Variants in SPECC1 observed in about 807,000 individuals in gnomAD.
The protein encoded by SPECC1 is cytospin-B.
Under a neutral mutation model 104.1 loss-of-function variants are expected in SPECC1, and 62 were observed. The observed-to-expected ratio is 0.60, with a 90% confidence interval of 0.49 to 0.74. The LOEUF is 0.74. Ranked by LOEUF, SPECC1 falls within the 30% of genes least tolerant of loss-of-function variation. The pLI is 0.00. For synonymous variants in SPECC1, 513 were observed against 501.6 expected (o/e 1.02, Z -0.30); for missense variants, 1,306 against 1,310.5 (o/e 1.00, Z 0.05).
Position 20,204,313 on chromosome 17 carries a change from TTTC to T in SPECC1, c.284-12_284-10del, listed in dbSNP as rs1457311135. On this transcript the variant is annotated splice_polypyrimidine_tract_variant and intron_variant, in intron 3 of 14. Coordinates refer to ENST00000395527, the MANE Select transcript of SPECC1 (RefSeq NM_001243439.2). ...AATGCTTGCTTTATTTTTTCATTTT[TTTC>T]TTCTTCTGTCTTTAAGGGGCCTTTA... The T allele has an allele frequency of 6.3e-6, 10 of 1,579,686 alleles. No individual in the cohort carries two copies. Among genetic ancestry groups the T allele is most frequent in the South Asian group, 1.2e-5 (1 of 85,038 alleles).
intron 5 of SPECC1, among the ~76,000 whole-genome samples, chr17:20,230,695 T>C (rs1397131407): frequency 6.6e-6 from 1 of 152,232 alleles, no homozygotes; most frequent in African/African-American, 2.4e-5. Flanking sequence ...AAGCCATCTT[T>C]TGAAAAACTT....
rs776257884 is a variant in SPECC1, at chr17:20,110,556, G to A, written c.277G>A (p.Gly93Ser). 14 of 1,612,620 alleles carry A rather than the reference G, an allele frequency of 8.7e-6. No individual in the cohort carries two copies. Among genetic ancestry groups the A allele is most frequent in the South Asian group, 3.3e-5 (3 of 90,972 alleles). The change falls in exon 3 of 15, where the codon GGC becomes AGC. Residue 93 changes from glycine to serine, a missense_variant. This residue lies in a region of SPECC1 where 1,177 missense variants were observed against 1,139.9 expected (regional missense o/e 1.03). Coordinates refer to ENST00000395527, the MANE Select transcript of SPECC1 (RefSeq NM_001243439.2). Reference protein sequence around the residue: ...SELTESRLRSGTGAFTTTKRT... With the variant: ...SELTESRLRSSTGAFTTTKRT... Reference sequence around the variant, plus strand: ...GCTCACGGAGAGCCGCCTGAGGAGCGGCACAGGTAGGAGGGACCGGGCAGG... The same window carrying A: ...GCTCACGGAGAGCCGCCTGAGGAGCAGCACAGGTAGGAGGGACCGGGCAGG...
Position 20,245,996 on chromosome 17 carries a change from A to G in SPECC1, c.2422A>G (p.Arg808Gly). ...TCGGTGGCCTGGTGTCTGTGTTAGC[A>G]GAACATCTCCAACACCCCCAGAGTC... is the stretch of plus-strand genomic sequence containing the variant. ...AGRWPGVCVS[R>G]TSPTPPESAT... Residue 808 changes from arginine (R) to glycine (G), a missense_variant, in exon 8 of 15, where the codon AGA becomes GGA. Arg to Gly is a moderately radical substitution (Grantham distance 125). Coordinates refer to ENST00000395527, the MANE Select transcript of SPECC1 (RefSeq NM_001243439.2). 6.2e-7 allele frequency: 1 copy of G among 1,614,192 alleles called. No homozygotes were observed. The highest frequency in any genetic ancestry group is 8.5e-7 in the Non-Finnish European group (1 of 1,180,034).
intron 3 of SPECC1, among the ~76,000 whole-genome samples, chr17:20,130,757 A>AGAAATCTTC (rs2049575445): frequency 6.6e-6 from 1 of 152,222 alleles, no homozygotes. Context: ...ATACCTACAA[A>AGAAATCTTC]GAAATCTTCT....
Position 20,205,133 on chromosome 17 carries a change from C to T in SPECC1, c.1084C>T (p.Pro362Ser), listed in dbSNP as rs754311597. ...AAAGTGTTCTACTGCTGGGAGTTCC[C>T]CAAACAGCGTAAGTGAATTGTCCCT... ...SSKCSTAGSS[P>S]NSVSELSLAS... Residue 362 changes from proline to serine, a missense_variant, in exon 4 of 15, where the codon CCA becomes TCA. Transcript: ENST00000395527. 6.2e-7 allele frequency: 1 copy of T among 1,614,030 alleles called. No homozygotes were observed. Among genetic ancestry groups the T allele is most frequent in the African/African-American group, 1.3e-5 (1 of 74,994 alleles).
At chr17:20,146,840 A>C (rs557761648) in intron 3 of SPECC1, among the ~76,000 whole-genome samples, 1 of 152,202 alleles carries the variant, frequency 6.6e-6, no homozygotes, top group East Asian at 1.9e-4. Flanking sequence ...CAGGAGGTGG[A>C]AGTTGCAGTG....
chr17:20,228,590 G>A (rs2038380427), intron 5 of SPECC1, among the ~76,000 whole-genome samples: 1 of 152,228 alleles, frequency 6.6e-6, no homozygotes, highest in Non-Finnish European at 1.5e-5. Flanking sequence ...GACAGAGATG[G>A]ATGATAGGTA....
chr17:20,260,720 G>C (rs2039996217), intron 12 of SPECC1, among the ~76,000 whole-genome samples: 1 of 152,186 alleles, frequency 6.6e-6, no homozygotes, highest in African/African-American at 2.4e-5. Flanking sequence ...GGAGAGGGAG[G>C]ATTCTCTGGC....
chr17:20,147,081 A>AC (rs755926415), intron 3 of SPECC1, among the ~76,000 whole-genome samples: 1 of 125,698 alleles, frequency 8.0e-6, no homozygotes, highest in Non-Finnish European at 1.7e-5. Flanking sequence ...ATGGATCGTG[A>AC]TTTTTTTTTT....
chr17:20,282,093 A>C (rs1002430212), intron 12 of SPECC1, among the ~76,000 whole-genome samples: 1 of 152,274 alleles, frequency 6.6e-6, no homozygotes, highest in East Asian at 1.9e-4. Context: ...TTGCAAGGCA[A>C]CCAGACCCTG....
rs549640887 is a variant in SPECC1 at position 20,197,803 on chromosome 17, G to A, written c.284-6530G>A. On this transcript the variant is annotated intron_variant, in intron 3 of 14. Transcript: ENST00000395527. Reference sequence around the variant, plus strand: ...GTGGGCCTGCAGGTATTCTAAGCCCGTGTTTTATCCTAAAGCACCCCTTGA... The same window carrying A: ...GTGGGCCTGCAGGTATTCTAAGCCCATGTTTTATCCTAAAGCACCCCTTGA... Among the ~76,000 whole-genome samples the A allele has an allele frequency of 1.1e-4, 17 of 152,320 alleles. No individual in the cohort carries two copies. The East Asian group carries it at 2.9e-3, about 26-fold the overall frequency.
chr17:20,287,580 C>A (rs957001994), intron 12 of SPECC1, among the ~76,000 whole-genome samples: 1 of 152,086 alleles, frequency 6.6e-6, no homozygotes, highest in Admixed American at 6.5e-5. Context: ...TTGATACTGA[C>A]CCCCTCGTTC....
chr17:20,166,527 T>C (rs1381851061), intron 3 of SPECC1, among the ~76,000 whole-genome samples: 1 of 152,128 alleles, frequency 6.6e-6, no homozygotes, highest in East Asian at 1.9e-4. Context: ...GAAAAATAAT[T>C]ATGAAATACT....
intron 13 of SPECC1, among the ~76,000 whole-genome samples, chr17:20,302,695 G>A (rs1322025016): frequency 2.1e-5 from 3 of 143,830 alleles, no homozygotes; most frequent in Middle Eastern, 3.2e-3. Flanking sequence ...TTGCCACCAC[G>A]TCTTGCTCCG....
At chr17:20,107,660 T>C (rs1288743364) in intron 2 of SPECC1, among the ~76,000 whole-genome samples, 5 of 152,128 alleles carry the variant, frequency 3.3e-5, no homozygotes, top group Admixed American at 6.5e-5. Flanking sequence ...TTTCACCATG[T>C]TGACCAGGCT....
chr17:20,203,363 T>A (rs2036559580), intron 3 of SPECC1, among the ~76,000 whole-genome samples: 1 of 152,166 alleles, frequency 6.6e-6, no homozygotes, highest in South Asian at 2.1e-4. Context: ...CAATGGAGAC[T>A]GATGTCTGGG....
chr17:20,055,397 T>G (rs1175919091), intron 1 of SPECC1, among the ~76,000 whole-genome samples: 1 of 152,182 alleles, frequency 6.6e-6, no homozygotes, highest in Non-Finnish European at 1.5e-5. Flanking sequence ...TGCATACTCT[T>G]TTCCACAGCA....
At chr17:20,283,285 A>G (rs1386385521) in intron 12 of SPECC1, among the ~76,000 whole-genome samples, 1 of 152,232 alleles carries the variant, frequency 6.6e-6, no homozygotes, top group East Asian at 1.9e-4. Flanking sequence ...GAGGGACAAA[A>G]GGTAGCTTTC....
intron 3 of SPECC1, among the ~76,000 whole-genome samples, chr17:20,186,767 A>G (rs915689734): frequency 6.6e-6 from 1 of 151,982 alleles, no homozygotes; most frequent in Non-Finnish European, 1.5e-5. Context: ...GTGTCTCACT[A>G]TGTTGCCCAG....
Sources: allele counts gnomAD v4.1 joint callset (sites outside exome capture counted in the v4.1 genomes callset), GRCh38; gene constraint gnomAD v4.1.1; regional missense constraint gnomAD v4.1.1; transcripts MANE v1.5; gene names NCBI Gene and HGNC (gene_info 2026-07-23, HGNC 2026-07-21).